ZNF577: variants seen among roughly 807,000 people sequenced by gnomAD.
ZNF577 encodes zinc finger protein 577.
ZNF577 carries 14 observed loss-of-function variants against 13.9 expected under a neutral mutation model. The ratio of observed to expected loss-of-function variants is 1.00; its 90% confidence interval spans 0.66 to 1.57. ZNF577 has a LOEUF of 1.57. Among genes scored for constraint, ZNF577 ranks in the 40% most tolerant of loss-of-function variants. The probability of loss-of-function intolerance (pLI) is 0.00; values close to 1 mark genes in which losing one functional copy is unlikely to be tolerated. For missense variants in ZNF577, 555 were observed against 579.2 expected, an observed-to-expected ratio of 0.96 and a Z score of 0.43; for synonymous variants, 203 against 202.9, an observed-to-expected ratio of 1.00 and a Z score of 0.00.
At position 51,824,791 on chromosome 19, in the gene ZNF577, C is replaced by T. The variant is rs150782764; in HGVS notation, c.*600-13117G>A. 463 of 1,611,946 alleles carry T rather than the reference C, an allele frequency of 2.9e-4. No individual in the cohort carries two copies. Among genetic ancestry groups the T allele is most frequent in the Non-Finnish European group, 3.5e-4 (411 of 1,178,830 alleles). ...ACTTCTGCTTCACCTCCTGAGGAGA[C>T]GGAGTTACAAGCAATGTGAGGTCGG... On this transcript the variant is annotated intron_variant and NMD_transcript_variant, in intron 9 of 10. Transcript: ENST00000638827. This position sits in a 1 kb window ranked among gnomAD's most constrained non-coding sequence, Gnocchi z 4.7.
intron 5 of ZNF577, among the ~76,000 whole-genome samples, chr19:51,853,436 G>C (rs950560776): frequency 2.6e-5 from 4 of 152,158 alleles, no homozygotes; most frequent in African/African-American, 7.2e-5. Context: ...TGCAAAAAGG[G>C]CACTACCCTA....
In ZNF577 at chr19:51,869,999, C is replaced by CT. The variant is rs1262341505; in HGVS notation, c.*2532dup. 6.6e-6 allele frequency among the ~76,000 whole-genome samples: 1 copy of CT among 152,190 alleles called. No homozygotes were observed. The highest frequency in any genetic ancestry group is 6.5e-5 in the Admixed American group (1 of 15,292). ...AGCTTGCTTCTCCCTCTCAGGGAAC[C>CT]TGGTGCTGATTGCTGGTAATTGCCT... On this transcript the variant is annotated 3_prime_UTR_variant, in exon 6 of 6. Coordinates refer to ENST00000638348, the MANE Select transcript of ZNF577 (RefSeq NM_001370449.1).
At chr19:51,839,564 T>C (rs2084308217) in intron 9 of ZNF577, among the ~76,000 whole-genome samples, 1 of 152,180 alleles carries the variant, frequency 6.6e-6, no homozygotes, top group African/African-American at 2.4e-5. Flanking sequence ...GTATGAAATG[T>C]TGGGAAATAT....
chr19:51,864,742 T>C (rs2084540773), downstream of ZNF577, among the ~76,000 whole-genome samples: 1 of 152,194 alleles, frequency 6.6e-6, no homozygotes, highest in Non-Finnish European at 1.5e-5. Context: ...ATATCTAGCC[T>C]GTAGAGAGAA....
chr19:51,851,640 C>T (rs1440110502), intron 5 of ZNF577, among the ~76,000 whole-genome samples: 1 of 152,080 alleles, frequency 6.6e-6, no homozygotes, highest in African/African-American at 2.4e-5. Context: ...CCCCAGACAC[C>T]TTATTTCACA....
rs550742854 is a variant in ZNF577 at position 51,880,173 on chromosome 19, C to T, written c.60+150G>A. 4.8e-6 allele frequency: 4 copies of T among 835,228 alleles called. No homozygotes were observed. The East Asian group carries it at 9.7e-5, about 20-fold the overall frequency. The allele number at this position is 835,228 out of a possible 1,614,324, so 51.7% of individuals were successfully genotyped here. A position where few individuals can be genotyped will look rare whatever the true frequency, so the allele number is the denominator to read the frequency against. ...CCAATCCAGTTTTCCTTTGGCATTA[C>T]TCCTTAGCTTACCCCACTAAACAAC... On this transcript the variant is annotated intron_variant, in intron 3 of 5. Transcript: ENST00000638348.
chr19:51,837,095 GA>G (rs1453526374), intron 9 of ZNF577, among the ~76,000 whole-genome samples: 4 of 151,338 alleles, frequency 2.6e-5, no homozygotes, highest in Admixed American at 2.6e-4. Context: ...AAAGGAATGT[GA>G]AGGAAACAGA....
intron 8 of ZNF577, among the ~76,000 whole-genome samples, chr19:51,841,276 G>C (rs1281260710): frequency 2.6e-5 from 4 of 152,144 alleles, no homozygotes; most frequent in Non-Finnish European, 5.9e-5. Flanking sequence ...GCATTAGGCT[G>C]TTTCCTCACT....
intron 5 of ZNF577, among the ~76,000 whole-genome samples, chr19:51,853,191 C>CTTT (rs2084388237): frequency 6.6e-6 from 1 of 152,214 alleles, no homozygotes; most frequent in Non-Finnish European, 1.5e-5. Context: ...CCTGTTTTGG[C>CTTT]TTCCCAAAGT....
intron 9 of ZNF577, among the ~76,000 whole-genome samples, chr19:51,836,886 A>T (rs1347183224): frequency 6.6e-6 from 1 of 152,030 alleles, no homozygotes; most frequent in African/African-American, 2.4e-5. Flanking sequence ...TCTACTAAAA[A>T]TACAAAAATT....
At chr19:51,856,342 A>G (rs1450578922) in intron 5 of ZNF577, among the ~76,000 whole-genome samples, 1 of 152,228 alleles carries the variant, frequency 6.6e-6, no homozygotes, top group Non-Finnish European at 1.5e-5. Context: ...ATACTGCACC[A>G]ATTTAATAAT....
intron 9 of ZNF577, among the ~76,000 whole-genome samples, chr19:51,833,976 T>A (rs1471230412): frequency 6.6e-6 from 1 of 152,234 alleles, no homozygotes; most frequent in Non-Finnish European, 1.5e-5. Context: ...AATTAGCACA[T>A]CCATCACCTA....
Position 51,825,896 on chromosome 19 carries a change from G to GT in ZNF577, c.*599+13996dup, listed in dbSNP as rs749832077. ...ATTTGTAAGGCTTAGATGAGATAGT[G>GT]TTTTTTTAGAAAAAAACTTTATCTT... is the stretch of plus-strand genomic sequence containing the variant. On this transcript the variant is annotated intron_variant and NMD_transcript_variant, in intron 9 of 10. Coordinates refer to the ZNF577 transcript ENST00000638827. 2.3e-3 allele frequency: 390 copies of GT among 167,074 alleles called. 1 individual carries two copies. Among genetic ancestry groups the GT allele is most frequent in the Non-Finnish European group, 3.6e-3 (242 of 68,094 alleles). The allele number at this position is 167,074 out of a possible 1,614,324, so 10.3% of individuals were successfully genotyped here.
intron 5 of ZNF577, among the ~76,000 whole-genome samples, chr19:51,857,422 G>GAAAGA (rs1555745884): frequency 2.8e-5 from 3 of 108,704 alleles, no homozygotes; most frequent in Admixed American, 9.6e-5. Context: ...AAGAAAGAAA[G>GAAAGA]AAAGAAAAGA....
intron 10 of ZNF577, among the ~76,000 whole-genome samples, chr19:51,809,961 A>T (rs1353861731): frequency 6.6e-6 from 1 of 152,006 alleles, no homozygotes; most frequent in African/African-American, 2.4e-5. Flanking sequence ...ATTCTGATGA[A>T]ATTTTGAGCG....
chr19:51,877,405 G>C (rs1383205679), intron 4 of ZNF577, 28 bp from the exon 5 acceptor site: 1 of 1,579,294 alleles, frequency 6.3e-7, no homozygotes, highest in East Asian at 2.2e-5. Flanking sequence ...CTGAACACTT[G>C]GCACGTGTGC....
At chr19:51,864,969 A>G (rs1194819690), downstream of ZNF577, among the ~76,000 whole-genome samples, 2 of 152,226 alleles carry the variant, frequency 1.3e-5, no homozygotes, top group Non-Finnish European at 1.5e-5. Flanking sequence ...AAGTCTTAGG[A>G]ACCAACATCT....
intron 9 of ZNF577, among the ~76,000 whole-genome samples, chr19:51,835,947 C>T (rs1442048089): frequency 1.3e-5 from 2 of 152,210 alleles, no homozygotes; most frequent in African/African-American, 4.8e-5. Context: ...CCTGCCTTGG[C>T]CTCCCAAAGT....
intron 2 of ZNF577, 59 bp downstream of exon 2, chr19:51,880,620 T>C (rs1204501062): frequency 7.2e-6 from 4 of 556,660 alleles, no homozygotes; most frequent in Admixed American, 3.2e-5. Context: ...GACTGTCTTT[T>C]ACAAGCTTCC....
Sources: allele counts gnomAD v4.1 joint callset (sites outside exome capture counted in the v4.1 genomes callset), GRCh38; gene constraint gnomAD v4.1.1; non-coding constraint Gnocchi (gnomAD v3.1); transcripts MANE v1.5; gene names NCBI Gene and HGNC (gene_info 2026-07-23, HGNC 2026-07-21).